CACNA2D3: variants seen among roughly 807,000 people sequenced by gnomAD.
CACNA2D3 encodes voltage-dependent calcium channel subunit alpha-2/delta-3.
In CACNA2D3, 60 loss-of-function variants were observed where a neutral mutation model predicts 160.6. That is an observed-to-expected ratio of 0.37 (90% CI 0.30 to 0.46). CACNA2D3 has a LOEUF of 0.46. Among genes scored for constraint, CACNA2D3 ranks in the 20% least tolerant of loss-of-function variants. The probability of loss-of-function intolerance (pLI) is 1.00; values close to 1 mark genes in which losing one functional copy is unlikely to be tolerated. For missense variants in CACNA2D3, 1,205 were observed against 1,365.0 expected (o/e 0.88, Z 1.85); for synonymous variants, 558 against 492.9 (o/e 1.13, Z -1.75).
chr3:54,963,458 G>A (rs566007353), intron 27 of CACNA2D3, among the ~76,000 whole-genome samples: 4 of 152,140 alleles, frequency 2.6e-5, no homozygotes, highest in Admixed American at 1.3e-4. Context: ...CTGTGGCTAC[G>A]GAGCACTTGA....
chr3:54,379,845 C>T (rs1406242500), intron 3 of CACNA2D3, among the ~76,000 whole-genome samples: 1 of 152,126 alleles, frequency 6.6e-6, no homozygotes, highest in Admixed American at 6.6e-5. Flanking sequence ...TGTCACTTGT[C>T]CCTTCTCATT....
chr3:54,207,265 G>A (rs1307722991), intron 2 of CACNA2D3, among the ~76,000 whole-genome samples: 1 of 150,530 alleles, frequency 6.6e-6, no homozygotes, highest in Non-Finnish European at 1.5e-5. Context: ...CACTAATGCT[G>A]GGAGACGTGT....
At chr3:54,891,858 C>A (rs1700077248) in intron 25 of CACNA2D3, among the ~76,000 whole-genome samples, 2 of 152,188 alleles carry the variant, frequency 1.3e-5, no homozygotes, top group African/African-American at 2.4e-5. Context: ...AGTCACTGTT[C>A]CAAGTCCTGT....
Position 54,885,555 on chromosome 3 carries a change from C to G in CACNA2D3, c.2025C>G (p.Leu675=). ...RHLSQLEAIK[L]YLKGKEPLLQ... is the part of the protein sequence containing the mutation. ...TGTCTCAGTTAGAAGCGATTAAGCT[C>G]TACCTAAAAGGCAAAGAACCTCTGC... is the stretch of plus-strand genomic sequence containing the variant. Residue 675 remains leucine (L), a synonymous_variant, in exon 23 of 38, where the codon CTC becomes CTG. Transcript: ENST00000474759. The G allele has an allele frequency of 6.2e-7, 1 of 1,613,476 alleles. No individual in the cohort carries two copies. Among genetic ancestry groups the G allele is most frequent in the Non-Finnish European group, 8.5e-7 (1 of 1,179,680 alleles).
intron 3 of CACNA2D3, among the ~76,000 whole-genome samples, chr3:54,355,701 G>C (rs958781798): frequency 6.6e-6 from 1 of 152,156 alleles, no homozygotes; most frequent in Non-Finnish European, 1.5e-5. Context: ...GGATCTGTGA[G>C]GCCTAAGCCC....
chr3:54,176,782 T>A (rs933731111), intron 2 of CACNA2D3, among the ~76,000 whole-genome samples: 3 of 152,188 alleles, frequency 2.0e-5, no homozygotes, highest in Non-Finnish European at 4.4e-5. Flanking sequence ...TAACCTTGGC[T>A]TTTAGCAGTC....
In CACNA2D3 at chr3:54,941,023, A is replaced by C. The variant is rs138350065; in HGVS notation, c.2450-27427A>C. Reference sequence around the variant, plus strand: ...AACACATTTAAAACTTGATAAGGCAATCCTGGTATGTTTCCTTTTCTCCAG... The same window carrying C: ...AACACATTTAAAACTTGATAAGGCACTCCTGGTATGTTTCCTTTTCTCCAG... On this transcript the variant is annotated intron_variant, in intron 27 of 37. Transcript: ENST00000474759. 4.6e-3 allele frequency among the ~76,000 whole-genome samples: 700 copies of C among 152,338 alleles called. 11 individuals carry two copies. The highest frequency in any genetic ancestry group is 0.045 in the South Asian group (218 of 4,828).
chr3:54,290,681 T>C (rs1703168942), intron 2 of CACNA2D3, among the ~76,000 whole-genome samples: 1 of 151,578 alleles, frequency 6.6e-6, no homozygotes, highest in South Asian at 2.1e-4. Context: ...AATGATAGAC[T>C]GGATTAAGAA....
chr3:54,283,801 C>T (rs1295472034), intron 2 of CACNA2D3, among the ~76,000 whole-genome samples: 4 of 151,982 alleles, frequency 2.6e-5, no homozygotes, highest in African/African-American at 7.2e-5. Context: ...TTTTAAACTA[C>T]TCCTCTGTCC....
At chr3:54,519,536 G>A (rs1701612101) in intron 5 of CACNA2D3, among the ~76,000 whole-genome samples, 1 of 152,176 alleles carries the variant, frequency 6.6e-6, no homozygotes, top group African/African-American at 2.4e-5. Context: ...AGTGCAGTAG[G>A]GAGTATTTTC....
chr3:54,597,435 C>G (rs1262711162), intron 9 of CACNA2D3, among the ~76,000 whole-genome samples: 1 of 152,144 alleles, frequency 6.6e-6, no homozygotes, highest in African/African-American at 2.4e-5. Flanking sequence ...ACCTTCACCC[C>G]TGAAAGTCTC....
At chr3:54,845,759 A>C (rs776794140) in intron 16 of CACNA2D3, among the ~76,000 whole-genome samples, 4 of 152,244 alleles carry the variant, frequency 2.6e-5, no homozygotes. Flanking sequence ...GAGGCTCCGC[A>C]TAGAAAATTA....
At chr3:54,203,821 G>A (rs1011065644) in intron 2 of CACNA2D3, among the ~76,000 whole-genome samples, 3 of 151,980 alleles carry the variant, frequency 2.0e-5, no homozygotes, top group South Asian at 2.1e-4. Context: ...GCCTCTTGAC[G>A]TCTGGCTGCC....
chr3:54,491,154 T>C (rs1490556102), intron 4 of CACNA2D3, among the ~76,000 whole-genome samples: 1 of 152,194 alleles, frequency 6.6e-6, no homozygotes, highest in Non-Finnish European at 1.5e-5. Flanking sequence ...GTGTTCTAGA[T>C]CTTTCCGCCA....
intron 5 of CACNA2D3, among the ~76,000 whole-genome samples, chr3:54,541,093 T>G (rs138608602): frequency 5.9e-5 from 9 of 151,700 alleles, no homozygotes; most frequent in Non-Finnish European, 1.0e-4. Context: ...CTGGCTAACA[T>G]GGTGAAACCC....
At chr3:54,529,327 G>A (rs969874583) in intron 5 of CACNA2D3, among the ~76,000 whole-genome samples, 2 of 152,212 alleles carry the variant, frequency 1.3e-5, no homozygotes, top group South Asian at 2.1e-4. Flanking sequence ...AGAGGCAAGG[G>A]TGCCAGTCTT....
At chr3:54,613,013 C>A (rs1698775738) in intron 9 of CACNA2D3, among the ~76,000 whole-genome samples, 1 of 152,182 alleles carries the variant, frequency 6.6e-6, no homozygotes, top group African/African-American at 2.4e-5. Context: ...ACATGACAAG[C>A]ATCCTGGCCA....
intron 4 of CACNA2D3, among the ~76,000 whole-genome samples, chr3:54,474,321 T>G (rs1575477112): frequency 6.6e-6 from 1 of 152,130 alleles, no homozygotes; most frequent in South Asian, 2.1e-4. Context: ...CACTGCATGT[T>G]CTCACTCATC....
intron 14 of CACNA2D3, among the ~76,000 whole-genome samples, chr3:54,824,827 G>A (rs114315552): frequency 0.015 from 2,307 of 152,300 alleles, 56 homozygotes; most frequent in African/African-American, 0.052. Context: ...AATAATGCTA[G>A]CAGCATTATA....
Sources: gnomAD v4.1 joint callset for allele counts (sites outside exome capture counted in the v4.1 genomes callset) on GRCh38, gnomAD v4.1.1 for gene constraint, MANE v1.5 for transcripts, NCBI Gene and HGNC (gene_info 2026-07-23, HGNC 2026-07-21) for gene names.